Variants in ABCA12 observed in about 807,000 individuals in gnomAD.
ABCA12 encodes ATP binding cassette subfamily A member 12.
In ABCA12, 156 loss-of-function variants were observed where a neutral mutation model predicts 293.5. That is an observed-to-expected ratio of 0.53 (90% confidence interval 0.47 to 0.61). ABCA12 has a LOEUF of 0.61. Ranked by LOEUF, ABCA12 falls within the 20% of genes least tolerant of loss-of-function variation. ABCA12 has a pLI of 0.00. For synonymous variants in ABCA12, 1,063 were observed against 1,108.0 expected, an observed-to-expected ratio of 0.96 and a Z score of 0.81; for missense variants, 2,797 against 3,090.2, an observed-to-expected ratio of 0.91 and a Z score of 2.25.
chr2:215,037,187 G>A (rs1701012136), intron 7 of ABCA12, 122 bp from the exon 8 acceptor site: 1 of 755,248 alleles, frequency 1.3e-6, no homozygotes, highest in Non-Finnish European at 2.3e-6. Context: ...AAGACAAGAT[G>A]CTACTTTTTG....
rs910013487 is a variant in ABCA12, at chr2:214,944,881, ATATATACACACACATATATATG to A, written c.7343+98_7343+119del. The A allele has an allele frequency of 1.1e-4, 76 of 718,124 alleles. 1 individual carries two copies. Among genetic ancestry groups the A allele is most frequent in the South Asian group, 6.8e-4 (43 of 63,308 alleles). 44.5% of individuals were successfully genotyped at this position (718,124 alleles called of 1,614,324 possible). A position where few individuals can be genotyped will look rare whatever the true frequency, so the allele number is the denominator to read the frequency against. ...ATATATTTTGTATGTGTGTATATAT[ATATATACACACACATATATATG>A]TATGTGTATATATTTATTTATGTTA... On this transcript the variant is annotated intron_variant, in intron 49 of 52. Coordinates refer to ENST00000272895, the MANE Select transcript of ABCA12 (RefSeq NM_173076.3).
intron 44 of ABCA12, among the ~76,000 whole-genome samples, chr2:214,952,061 A>G (rs2105929079): frequency 6.6e-6 from 1 of 152,190 alleles, no homozygotes; most frequent in Non-Finnish European, 1.5e-5. Flanking sequence ...AAATACCAAA[A>G]AAAAAAAAAA....
chr2:215,138,137 C>A lies in ABCA12; in HGVS notation c.69+3G>T. On this transcript the variant is annotated splice_donor_region_variant and intron_variant, in intron 1 of 52. Transcript: ENST00000272895. The stretch of plus-strand genomic sequence containing the variant: ...CATACTCCCACACTTTTTTTTAACT[C>A]ACCGGCTGCCTTTTTACACCTAGCC... 1 of 1,613,994 alleles carries A rather than the reference C, an allele frequency of 6.2e-7. No homozygotes were observed. The highest frequency in any genetic ancestry group is 8.5e-7 in the Non-Finnish European group (1 of 1,179,922).
intron 2 of ABCA12, among the ~76,000 whole-genome samples, chr2:215,104,261 T>G (rs1702417499): frequency 6.6e-6 from 1 of 152,216 alleles, no homozygotes; most frequent in African/African-American, 2.4e-5. Flanking sequence ...TTACTCTTAA[T>G]TTTTCTACTT....
At chr2:215,095,108 A>T (rs1575040544) in intron 2 of ABCA12, among the ~76,000 whole-genome samples, 1 of 152,272 alleles carries the variant, frequency 6.6e-6, no homozygotes. Context: ...GTTTATTATG[A>T]ATACAAGACG....
At chr2:214,945,195 C>A in intron 48 of ABCA12, 91 bp from the exon 49 acceptor site, 1 of 1,046,246 alleles carries the variant, frequency 9.6e-7, no homozygotes, top group Non-Finnish European at 1.4e-6. Context: ...TTCCCTAGAA[C>A]AGAAATACTT....
intron 5 of ABCA12, among the ~76,000 whole-genome samples, chr2:215,051,609 A>AGTGTGTGTGT (rs3050094): frequency 0.12 from 14,201 of 121,162 alleles, 1,123 homozygotes; most frequent in East Asian, 0.16. Flanking sequence ...TAAAAACGCT[A>AGTGTGTGTGT]GTGTGTGTGT....
chr2:215,068,616 C>T (rs569128788), intron 2 of ABCA12, among the ~76,000 whole-genome samples: 2 of 152,170 alleles, frequency 1.3e-5, no homozygotes, highest in East Asian at 3.9e-4. Flanking sequence ...TGCATCTAAT[C>T]GACTTAATTC....
At chr2:215,112,791 C>T (rs1158418486) in intron 1 of ABCA12, among the ~76,000 whole-genome samples, 2 of 152,086 alleles carry the variant, frequency 1.3e-5, no homozygotes, top group African/African-American at 4.8e-5. Flanking sequence ...AGCCACCGTG[C>T]CCGGCCTGAA....
At chr2:214,949,425 G>A (rs1170897720) in intron 45 of ABCA12, among the ~76,000 whole-genome samples, 1 of 148,808 alleles carries the variant, frequency 6.7e-6, no homozygotes, top group East Asian at 2.0e-4. Context: ...TACATGTTAT[G>A]TTATATCATC....
At chr2:215,087,383 G>C (rs969867299) in intron 2 of ABCA12, among the ~76,000 whole-genome samples, 2 of 152,042 alleles carry the variant, frequency 1.3e-5, no homozygotes, top group East Asian at 1.9e-4. Context: ...CTTTAGCTTC[G>C]ATTAACACAC....
chr2:215,125,266 G>T (rs1702897694), intron 1 of ABCA12, among the ~76,000 whole-genome samples: 2 of 152,046 alleles, frequency 1.3e-5, no homozygotes, highest in South Asian at 4.2e-4. Flanking sequence ...TTTTTGTTTA[G>T]TCTTGCTTTG....
At chr2:214,997,960 C>T (rs564193380) in intron 22 of ABCA12, 151 bp from the exon 23 acceptor site, 25 of 585,852 alleles carry the variant, frequency 4.3e-5, no homozygotes, top group African/African-American at 1.3e-4. Flanking sequence ...CCATTATTTA[C>T]GAAGCATGAA....
chr2:215,000,282 A>C (rs1700116366), intron 22 of ABCA12, among the ~76,000 whole-genome samples: 1 of 152,172 alleles, frequency 6.6e-6, no homozygotes, highest in Non-Finnish European at 1.5e-5. Flanking sequence ...GTTTTCTTAA[A>C]ATTGATCATG....
chr2:214,937,709 C>A, intron 50 of ABCA12, 94 bp from the exon 51 acceptor site: 2 of 850,620 alleles, frequency 2.4e-6, no homozygotes, highest in East Asian at 2.7e-5. Flanking sequence ...CCAAGCCAAC[C>A]ATTATATCAC....
At chr2:214,976,301 A>G (rs1699515993) in intron 33 of ABCA12, among the ~76,000 whole-genome samples, 1 of 152,206 alleles carries the variant, frequency 6.6e-6, no homozygotes, top group Admixed American at 6.5e-5. Flanking sequence ...AATAGTATTA[A>G]TCACAGGCAT....
intron 2 of ABCA12, among the ~76,000 whole-genome samples, chr2:215,069,689 C>T (rs1575023309): frequency 1.3e-5 from 2 of 152,240 alleles, no homozygotes; most frequent in Admixed American, 1.3e-4. Context: ...GTCCACCACC[C>T]ACCTTCAGAT....
intron 7 of ABCA12, among the ~76,000 whole-genome samples, chr2:215,043,316 T>A (rs1701138822): frequency 1.3e-5 from 2 of 152,208 alleles, no homozygotes; most frequent in African/African-American, 4.8e-5. Context: ...ATTAATAAGC[T>A]ATTTTCATTA....
At chr2:215,023,202 T>A (rs1700668454) in intron 11 of ABCA12, 1 of 151,780 alleles carries the variant, frequency 6.6e-6, no homozygotes, top group Admixed American at 6.6e-5. Flanking sequence ...ACTCTAGGAG[T>A]TTGTCTTCAT....
Sources: allele counts gnomAD v4.1 joint callset (sites outside exome capture counted in the v4.1 genomes callset), GRCh38; gene constraint gnomAD v4.1.1; transcripts MANE v1.5; gene names NCBI Gene and HGNC (gene_info 2026-07-23, HGNC 2026-07-21).